Variants in DACH1 observed in about 807,000 individuals in gnomAD.
DACH1 encodes the protein dachshund homolog 1.
In DACH1, 12 loss-of-function variants were observed where a neutral mutation model predicts 54.2. The observed-to-expected ratio is 0.22, with a 90% CI of 0.14 to 0.36. DACH1 has a LOEUF of 0.36. Ranked by LOEUF, DACH1 falls within the 10% of genes least tolerant of loss-of-function variation. DACH1 has a pLI of 1.00. For synonymous variants in DACH1, 386 were observed against 366.2 expected, an observed-to-expected ratio of 1.05 and a Z score of -0.62; for missense variants, 805 against 929.8, an observed-to-expected ratio of 0.87 and a Z score of 1.75.
chr13:71,631,810 G>C (rs1877121322), intron 2 of DACH1, among the ~76,000 whole-genome samples: 1 of 152,042 alleles, frequency 6.6e-6, no homozygotes, highest in South Asian at 2.1e-4. Context: ...ATTAGAAATA[G>C]AGTTTGAGCC....
At chr13:71,675,448 C>T (rs572117444) in intron 2 of DACH1, 4 of 1,432,966 alleles carry the variant, frequency 2.8e-6, no homozygotes, top group Admixed American at 1.8e-5. Context: ...CCAGCTAGCA[C>T]GCCGCATACG....
chr13:71,461,939 T>A (rs1462728430), intron 10 of DACH1, among the ~76,000 whole-genome samples: 1 of 151,952 alleles, frequency 6.6e-6, no homozygotes, highest in Non-Finnish European at 1.5e-5. Context: ...ATGAACTAAA[T>A]GTAAATGTTA....
At chr13:71,654,394 TAAA>T (rs1292354437) in intron 2 of DACH1, among the ~76,000 whole-genome samples, 2 of 33,412 alleles carry the variant, frequency 6.0e-5, no homozygotes, top group Admixed American at 7.4e-4. Flanking sequence ...TGTCTCAAAA[TAAA>T]ATAAAATAAA....
At chr13:71,649,601 TA>T (rs1878534181) in intron 2 of DACH1, among the ~76,000 whole-genome samples, 1 of 152,160 alleles carries the variant, frequency 6.6e-6, no homozygotes, top group Non-Finnish European at 1.5e-5. Flanking sequence ...CTAATTTCCA[TA>T]ACAAACACCA....
intron 10 of DACH1, among the ~76,000 whole-genome samples, chr13:71,467,580 CATTT>C (rs1200945991): frequency 4.0e-5 from 6 of 151,526 alleles, no homozygotes; most frequent in African/African-American, 1.5e-4. Context: ...AAAATGTTAA[CATTT>C]ATGGGTATCG....
chr13:71,694,447 C>G (rs967692331), intron 1 of DACH1, among the ~76,000 whole-genome samples: 5 of 56,636 alleles, frequency 8.8e-5, no homozygotes, highest in Non-Finnish European at 2.0e-4. Context: ...AATTCATTAC[C>G]TGACATAGAT....
intron 6 of DACH1, among the ~76,000 whole-genome samples, chr13:71,509,680 TCTGCCTCAAATGTA>T (rs1419765424): frequency 6.6e-6 from 1 of 152,128 alleles, no homozygotes. Context: ...CCTTCTCTTC[TCTGCCTCAAATGTA>T]CTGCCTCAAA....
chr13:71,554,961 G>A (rs1265970542), intron 6 of DACH1, among the ~76,000 whole-genome samples: 1 of 152,114 alleles, frequency 6.6e-6, no homozygotes, highest in Non-Finnish European at 1.5e-5. Flanking sequence ...AAATTCTAGT[G>A]AGATTTGTTA....
At chr13:71,854,898 TG>T (rs1169757698) in intron 1 of DACH1, among the ~76,000 whole-genome samples, 2 of 152,046 alleles carry the variant, frequency 1.3e-5, no homozygotes, top group East Asian at 3.8e-4. Flanking sequence ...TTCATTCAAA[TG>T]ATAAGTATAA....
At chr13:71,790,300 C>T (rs1886781574) in intron 1 of DACH1, among the ~76,000 whole-genome samples, 1 of 152,046 alleles carries the variant, frequency 6.6e-6, no homozygotes, top group Admixed American at 6.6e-5. Flanking sequence ...CATGGATTTG[C>T]TTAATGCATG....
chr13:71,679,592 A>T (rs904036465), intron 2 of DACH1, among the ~76,000 whole-genome samples: 3 of 130,574 alleles, frequency 2.3e-5, no homozygotes, highest in South Asian at 4.2e-4. Context: ...ATGGTTATTT[A>T]AAAAAAAAAC....
chr13:71,796,251 TA>T (rs1887046031), intron 1 of DACH1, among the ~76,000 whole-genome samples: 1 of 152,172 alleles, frequency 6.6e-6, no homozygotes, highest in African/African-American at 2.4e-5. Context: ...CATTAAAACT[TA>T]AAGGTTTCTT....
chr13:71,493,897 C>T (rs889784883), intron 6 of DACH1, among the ~76,000 whole-genome samples: 4 of 152,050 alleles, frequency 2.6e-5, no homozygotes, highest in African/African-American at 4.8e-5. Context: ...AAGAATGAGT[C>T]ATACAAGTAA....
intron 1 of DACH1, among the ~76,000 whole-genome samples, chr13:71,853,652 GA>G (rs1303168561): frequency 6.6e-6 from 1 of 152,092 alleles, no homozygotes; most frequent in East Asian, 1.9e-4. Context: ...TTTTAAAAAA[GA>G]GATTCTGCTT....
At chr13:71,512,352 G>A (rs1211565341) in intron 6 of DACH1, among the ~76,000 whole-genome samples, 2 of 151,564 alleles carry the variant, frequency 1.3e-5, no homozygotes, top group African/African-American at 2.4e-5. Flanking sequence ...TTGGTTTACC[G>A]CACGGATTAA....
chr13:71,740,698 G>A (rs1363184665), intron 1 of DACH1, among the ~76,000 whole-genome samples: 1 of 152,038 alleles, frequency 6.6e-6, no homozygotes, highest in East Asian at 1.9e-4. Flanking sequence ...GGGTGTGGGT[G>A]TATTTAATAT....
At chr13:71,482,784 C>G (rs1178491182) in intron 7 of DACH1, among the ~76,000 whole-genome samples, 1 of 143,322 alleles carries the variant, frequency 7.0e-6, no homozygotes, top group Non-Finnish European at 1.5e-5. Flanking sequence ...AGTACAGTAT[C>G]AACTGACAGT....
At chr13:71,758,912 T>C (rs1468732955) in intron 1 of DACH1, among the ~76,000 whole-genome samples, 3 of 149,618 alleles carry the variant, frequency 2.0e-5, no homozygotes, top group African/African-American at 7.4e-5. Flanking sequence ...CCTCGCATTA[T>C]GTTGTTGCCA....
chr13:71,774,283 A>T (rs1885977284), intron 1 of DACH1, among the ~76,000 whole-genome samples: 1 of 152,176 alleles, frequency 6.6e-6, no homozygotes, highest in Non-Finnish European at 1.5e-5. Flanking sequence ...ACATTGCCAA[A>T]ATTATCTTCA....
Sources: gnomAD v4.1 joint callset for allele counts (sites outside exome capture counted in the v4.1 genomes callset) on GRCh38, gnomAD v4.1.1 for gene constraint, MANE v1.5 for transcripts, NCBI Gene and HGNC (gene_info 2026-07-23, HGNC 2026-07-21) for gene names.